Variants in PLPPR1 observed in about 807,000 individuals in gnomAD.
PLPPR1 encodes phospholipid phosphatase-related protein type 1.
A neutral mutation model predicts 33.1 loss-of-function variants in PLPPR1; 10 were observed. The ratio of observed to expected loss-of-function variants is 0.30; its 90% CI spans 0.19 to 0.51. PLPPR1 has a LOEUF of 0.51. Ranked by LOEUF, PLPPR1 falls within the 20% of genes least tolerant of loss-of-function variation. PLPPR1 has a pLI of 0.97. For synonymous variants in PLPPR1, 151 were observed against 151.0 expected (o/e 1.00, Z 0.00); for missense variants, 304 against 408.1 (o/e 0.74, Z 2.20).
chr9:101,237,625 G>C (rs972606778), intron 2 of PLPPR1, among the ~76,000 whole-genome samples: 6 of 134,544 alleles, frequency 4.5e-5, no homozygotes, highest in Admixed American at 7.9e-5. Context: ...GTATTCCATT[G>C]TGTGCATATA....
In PLPPR1 at chr9:101,179,288, GA is replaced by G. The variant is rs574173804; in HGVS notation, c.-45-6155del. On this transcript the variant is annotated intron_variant, in intron 1 of 7. Transcript: ENST00000374874. ...ATGAAGGTTTGGGTCACACCATCAGGAAAAAAAGCACAACCTGCTGAGTTGC... is the reference window on the plus strand; with the variant it reads ...ATGAAGGTTTGGGTCACACCATCAGGAAAAAAGCACAACCTGCTGAGTTGC... 5.5e-3 allele frequency among the ~76,000 whole-genome samples: 830 copies of G among 152,146 alleles called. 8 individuals are homozygous for G. Among genetic ancestry groups the G allele is most frequent in the African/African-American group, 0.018 (766 of 41,530 alleles).
At chr9:101,156,572 A>AT (rs1831694097) in intron 1 of PLPPR1, among the ~76,000 whole-genome samples, 1 of 95,534 alleles carries the variant, frequency 1.0e-5, no homozygotes, top group South Asian at 3.0e-4. Context: ...AAAAAAAAAA[A>AT]AGAAAGAAAG....
At chr9:101,047,653 T>C (rs915505412) in intron 1 of PLPPR1, among the ~76,000 whole-genome samples, 4 of 152,180 alleles carry the variant, frequency 2.6e-5, no homozygotes, top group Middle Eastern at 6.3e-3. Flanking sequence ...CCAGCATGAA[T>C]CCACCCCGAG....
chr9:101,185,664 A>G (rs1588063064), intron 2 of PLPPR1, 107 bp downstream of exon 2: 2 of 658,160 alleles, frequency 3.0e-6, no homozygotes. Flanking sequence ...TGGTAAGTCA[A>G]TTTTGATAGC....
At chr9:101,046,594 C>T (rs1830151089) in intron 1 of PLPPR1, among the ~76,000 whole-genome samples, 1 of 151,966 alleles carries the variant, frequency 6.6e-6, no homozygotes, top group Non-Finnish European at 1.5e-5. Context: ...CGTCTGCCAC[C>T]ACGCCCAGCT....
chr9:101,042,956 G>A (rs111693228), intron 1 of PLPPR1, among the ~76,000 whole-genome samples: 3,089 of 152,070 alleles, frequency 0.02, 108 homozygotes, highest in African/African-American at 0.071. Context: ...GGAACAGGTG[G>A]TATTTGGTTA....
At position 101,253,048 on chromosome 9, in the gene PLPPR1, G is replaced by A. The variant is rs926681118; in HGVS notation, c.64-16832G>A. ...TAAGTGTGATTTTAATATTTAAATA[G>A]AACTTTATTATATCTCTGATCTCCT... On this transcript the variant is annotated intron_variant, in intron 2 of 7. Coordinates refer to ENST00000374874, the MANE Select transcript of PLPPR1 (RefSeq NM_207299.2). Among the ~76,000 whole-genome samples, 9 of 151,884 alleles carry A rather than the reference G, an allele frequency of 5.9e-5. No individual in the cohort carries two copies. The South Asian group carries it at 1.9e-3, about 31-fold the overall frequency.
At chr9:101,278,234 A>C (rs1267070726) in intron 3 of PLPPR1, among the ~76,000 whole-genome samples, 1 of 152,228 alleles carries the variant, frequency 6.6e-6, no homozygotes, top group Non-Finnish European at 1.5e-5. Context: ...TATATTCTGA[A>C]ATCTAAAAAC....
intron 1 of PLPPR1, among the ~76,000 whole-genome samples, chr9:101,065,180 C>T (rs1830396260): frequency 6.6e-6 from 1 of 152,046 alleles, no homozygotes; most frequent in South Asian, 2.1e-4. Flanking sequence ...TTCTCTCTCA[C>T]CCTACTTTTT....
chr9:101,173,708 C>A (rs1232373744), intron 1 of PLPPR1, among the ~76,000 whole-genome samples: 1 of 152,114 alleles, frequency 6.6e-6, no homozygotes, highest in African/African-American at 2.4e-5. Flanking sequence ...CTTAATTCTC[C>A]TAAATTAGTA....
chr9:101,055,634 CACTT>C (rs1830270752), intron 1 of PLPPR1, among the ~76,000 whole-genome samples: 1 of 152,182 alleles, frequency 6.6e-6, no homozygotes, highest in Non-Finnish European at 1.5e-5. Context: ...CATATAAAAT[CACTT>C]ACAGATATTT....
At chr9:101,091,487 T>C (rs58233226) in intron 1 of PLPPR1, among the ~76,000 whole-genome samples, 3,095 of 152,236 alleles carry the variant, frequency 0.02, 111 homozygotes, top group African/African-American at 0.071. Flanking sequence ...CCTTCCTTCA[T>C]CTTCAAACCC....
chr9:101,269,624 C>T (rs987317984), intron 2 of PLPPR1, among the ~76,000 whole-genome samples: 1 of 152,232 alleles, frequency 6.6e-6, no homozygotes, highest in Admixed American at 6.5e-5. Context: ...GGGGCTGAAG[C>T]TCTCTACAAG....
chr9:101,076,432 C>A (rs148874403), intron 1 of PLPPR1, among the ~76,000 whole-genome samples: 4 of 152,186 alleles, frequency 2.6e-5, no homozygotes, highest in African/African-American at 9.6e-5. Context: ...TGTGGCTCAG[C>A]GGGAAAGAAC....
chr9:101,322,327 A>C (rs1829169839), intron 7 of PLPPR1: 1 of 151,974 alleles, frequency 6.6e-6, no homozygotes, highest in Admixed American at 6.6e-5. Flanking sequence ...TTTTAAGTTC[A>C]AATAAAAGAC....
intron 2 of PLPPR1, among the ~76,000 whole-genome samples, chr9:101,214,715 T>C (rs1826754257): frequency 6.6e-6 from 1 of 152,170 alleles, no homozygotes; most frequent in Non-Finnish European, 1.5e-5. Context: ...ACTATATTAC[T>C]TTATAGCTTG....
Position 101,088,769 on chromosome 9 carries a change from A to G in PLPPR1, c.-46+59667A>G, listed in dbSNP as rs779420719. ...AGATTACAATGAGAAATGGTTGGCA[A>G]TGATATTTCAGCTGTCATTTATCTT... On this transcript the variant is annotated intron_variant, in intron 1 of 7. Coordinates refer to ENST00000374874, the MANE Select transcript of PLPPR1 (RefSeq NM_207299.2). Among the ~76,000 whole-genome samples, 47 of 152,338 alleles carry G rather than the reference A, an allele frequency of 3.1e-4. 1 individual carries two copies. The Middle Eastern group carries it at 0.01, about 33-fold the overall frequency.
At chr9:101,298,407 G>A (rs992342101) in intron 4 of PLPPR1, among the ~76,000 whole-genome samples, 43 of 152,154 alleles carry the variant, frequency 2.8e-4, no homozygotes, top group African/African-American at 1.0e-3. Context: ...ATCAAGTGTG[G>A]TCTAAGTGAA....
intron 2 of PLPPR1, among the ~76,000 whole-genome samples, chr9:101,196,644 G>A (rs550987258): frequency 3.3e-5 from 5 of 152,236 alleles, no homozygotes; most frequent in East Asian, 1.9e-4. Context: ...GGCGGATCAC[G>A]AGGTCAGGAG....
Sources: allele counts gnomAD v4.1 joint callset (sites outside exome capture counted in the v4.1 genomes callset), GRCh38; gene constraint gnomAD v4.1.1; transcripts MANE v1.5; gene names NCBI Gene and HGNC (gene_info 2026-07-23, HGNC 2026-07-21).